The following LPP variants were observed in gnomAD, a reference collection of about 807,000 sequenced individuals.
LPP encodes the protein LIM domain containing preferred translocation partner in lipoma.
A neutral mutation model predicts 60.4 loss-of-function variants in LPP; 38 were observed. The observed-to-expected ratio is 0.63, with a 90% CI of 0.49 to 0.83. The LOEUF is 0.83. Ranked by LOEUF, LPP falls within the 40% of genes least tolerant of loss-of-function variation. The pLI is 0.00. For missense variants in LPP, 902 were observed against 783.6 expected (o/e 1.15, Z -1.80); for synonymous variants, 328 against 290.8 (o/e 1.13, Z -1.30).
At chr3:188,668,098 A>G (rs1856187424) in intron 7 of LPP, among the ~76,000 whole-genome samples, 1 of 152,090 alleles carries the variant, frequency 6.6e-6, no homozygotes, top group South Asian at 2.1e-4. Flanking sequence ...TTTCTCTGAC[A>G]AGCTGTTACC....
In LPP at chr3:188,196,334, T is replaced by C. The variant is rs553416354; in HGVS notation, c.-189-29071T>C. On this transcript the variant is annotated intron_variant, in intron 1 of 11. Coordinates refer to ENST00000617246, the MANE Select transcript of LPP (RefSeq NM_001375462.1). ...CCAAAGTTGCATGGGGCTCACCGTG[T>C]CTTTTGGCATTGTTAGCTTGGTGAG... 2.4e-4 allele frequency among the ~76,000 whole-genome samples: 37 copies of C among 152,338 alleles called. No homozygotes were observed. In the South Asian group the frequency reaches 5.6e-3, roughly 23 times the overall value.
chr3:188,351,168 C>T (rs1053291007), intron 3 of LPP, among the ~76,000 whole-genome samples: 4 of 152,190 alleles, frequency 2.6e-5, no homozygotes, highest in African/African-American at 9.7e-5. Flanking sequence ...GGCACAGGGC[C>T]CCAGACATAG....
intron 1 of LPP, among the ~76,000 whole-genome samples, chr3:188,169,142 C>T (rs1720848262): frequency 6.6e-6 from 1 of 152,198 alleles, no homozygotes; most frequent in African/African-American, 2.4e-5. Context: ...CTTTTTCAAT[C>T]TTTTCTTTTT....
intron 4 of LPP, among the ~76,000 whole-genome samples, chr3:188,412,181 A>G (rs1785059298): frequency 6.6e-6 from 1 of 152,124 alleles, no homozygotes; most frequent in Non-Finnish European, 1.5e-5. Flanking sequence ...GAAAAAACAA[A>G]TTGGCATGAC....
intron 3 of LPP, among the ~76,000 whole-genome samples, chr3:188,354,985 A>ATG (rs1767126887): frequency 6.6e-6 from 1 of 152,082 alleles, no homozygotes; most frequent in South Asian, 2.1e-4. Context: ...GAAGAGACAT[A>ATG]TGTATATATA....
At chr3:188,345,818 C>A (rs572486826) in intron 3 of LPP, among the ~76,000 whole-genome samples, 1 of 152,294 alleles carries the variant, frequency 6.6e-6, no homozygotes, top group African/African-American at 2.4e-5. Context: ...TTAGAGACCA[C>A]TGGACCTAAG....
intron 2 of LPP, among the ~76,000 whole-genome samples, chr3:188,261,631 G>C (rs922832485): frequency 6.6e-6 from 1 of 152,130 alleles, no homozygotes; most frequent in African/African-American, 2.4e-5. Flanking sequence ...CTTGGGACCG[G>C]ACATGGTGGC....
At chr3:188,489,441 T>C (rs115696287) in intron 5 of LPP, among the ~76,000 whole-genome samples, 2,368 of 152,206 alleles carry the variant, frequency 0.016, 29 homozygotes, top group Non-Finnish European at 0.023. Flanking sequence ...AATTTTCAGA[T>C]AGGTGAGTGG....
At chr3:188,498,694 A>G (rs1810960558) in intron 5 of LPP, among the ~76,000 whole-genome samples, 1 of 152,174 alleles carries the variant, frequency 6.6e-6, no homozygotes, top group Non-Finnish European at 1.5e-5. Context: ...ATTGCTAGAT[A>G]ACATGGTAGT....
intron 9 of LPP, among the ~76,000 whole-genome samples, chr3:188,817,636 C>T (rs565852426): frequency 2.0e-5 from 3 of 152,288 alleles, no homozygotes; most frequent in Non-Finnish European, 2.9e-5. Flanking sequence ...TGCTGCCAAA[C>T]AAAACCCAGC....
At chr3:188,206,237 TC>T (rs1436709562) in intron 1 of LPP, among the ~76,000 whole-genome samples, 1 of 150,394 alleles carries the variant, frequency 6.6e-6, no homozygotes, top group Admixed American at 6.6e-5. Context: ...AGATCTTGGC[TC>T]TTGGCGCACC....
chr3:188,395,943 A>G (rs542674615), intron 3 of LPP, among the ~76,000 whole-genome samples: 1 of 151,976 alleles, frequency 6.6e-6, no homozygotes, highest in South Asian at 2.1e-4. Flanking sequence ...TAATAATAAT[A>G]AAAATAAACA....
At chr3:188,316,500 G>A (rs1755117726) in intron 2 of LPP, among the ~76,000 whole-genome samples, 1 of 152,170 alleles carries the variant, frequency 6.6e-6, no homozygotes, top group African/African-American at 2.4e-5. Flanking sequence ...TAGAATGCTA[G>A]CAGTGTTGCA....
chr3:188,599,151 T>C (rs1490356189), intron 6 of LPP, among the ~76,000 whole-genome samples: 1 of 152,102 alleles, frequency 6.6e-6, no homozygotes, highest in Non-Finnish European at 1.5e-5. Context: ...AATACCCATA[T>C]TCATTCTAGG....
chr3:188,563,874 T>A (rs1338348592), intron 6 of LPP, among the ~76,000 whole-genome samples: 1 of 151,858 alleles, frequency 6.6e-6, no homozygotes, highest in African/African-American at 2.4e-5. Context: ...CAGACACTTC[T>A]CTAAACAGAC....
chr3:188,591,723 C>A (rs1388165562), intron 6 of LPP, among the ~76,000 whole-genome samples: 2 of 152,244 alleles, frequency 1.3e-5, no homozygotes, highest in South Asian at 4.2e-4. Context: ...CAATTGAGTT[C>A]CTCACAGTCT....
rs376130255 is a variant in LPP at position 188,787,829 on chromosome 3, A to G, written c.1410+27547A>G. ...TATTTCATCTGCTTCCGTGAGTACA[A>G]ATATCATCTGTGTGCTGAGAACTCT... On this transcript the variant is annotated intron_variant, in intron 9 of 11. Transcript: ENST00000617246. Among the ~76,000 whole-genome samples, 19 of 152,304 alleles carry G rather than the reference A, an allele frequency of 1.2e-4. No individual in the cohort carries two copies. In the South Asian group the frequency reaches 3.1e-3, roughly 25 times the overall value.
At chr3:188,424,546 A>G (rs1257062398) in intron 4 of LPP, among the ~76,000 whole-genome samples, 1 of 152,174 alleles carries the variant, frequency 6.6e-6, no homozygotes. Flanking sequence ...TACTTTGGGC[A>G]GTATGGCCAT....
At chr3:188,692,669 G>T (rs992766950) in intron 7 of LPP, among the ~76,000 whole-genome samples, 7 of 152,192 alleles carry the variant, frequency 4.6e-5, no homozygotes, top group African/African-American at 1.7e-4. Flanking sequence ...TAGAGGGCAA[G>T]ACCTACTTCT....
Sources: allele counts gnomAD v4.1 joint callset (sites outside exome capture counted in the v4.1 genomes callset), GRCh38; gene constraint gnomAD v4.1.1; transcripts MANE v1.5; gene names NCBI Gene and HGNC (gene_info 2026-07-23, HGNC 2026-07-21).